Variants in NDST3 observed in about 807,000 individuals in gnomAD.
NDST3 encodes the protein N-deacetylase and N-sulfotransferase 3.
In NDST3, 58 loss-of-function variants were observed where a neutral mutation model predicts 96.1. The ratio of observed to expected loss-of-function variants is 0.60; its 90% confidence interval spans 0.49 to 0.75. The LOEUF (loss-of-function observed/expected upper bound fraction) is 0.75, where lower values mean the gene tolerates loss of function less well. NDST3 is among the 30% of genes least tolerant of loss of function. NDST3 has a pLI of 0.00. For missense variants in NDST3, 788 were observed against 1,034.2 expected (o/e 0.76, Z 3.27); for synonymous variants, 333 against 359.7 (o/e 0.93, Z 0.84).
intron 6 of NDST3, among the ~76,000 whole-genome samples, chr4:118,189,610 A>G (rs1737174360): frequency 6.6e-6 from 1 of 152,180 alleles, no homozygotes; most frequent in Non-Finnish European, 1.5e-5. Flanking sequence ...TAGCCAATGT[A>G]ATAATTAAAA....
At chr4:118,100,271 C>A (rs986348278) in intron 2 of NDST3, among the ~76,000 whole-genome samples, 24 of 151,962 alleles carry the variant, frequency 1.6e-4, no homozygotes, top group African/African-American at 5.6e-4. Context: ...TTATCTGCCT[C>A]AGACATAGGC....
rs192710046 is a variant in NDST3, at chr4:118,204,492, T to C, written c.1540-19999T>C. Among the ~76,000 whole-genome samples the C allele has an allele frequency of 2.1e-5, 3 of 144,388 alleles. 1 individual carries two copies. The highest frequency in any genetic ancestry group is 7.7e-5 in the African/African-American group (3 of 39,026). 94.7% of individuals were successfully genotyped at this position (144,388 alleles called of 152,430 possible). A position where few individuals can be genotyped will look rare whatever the true frequency, so the allele number is the denominator to read the frequency against. On this transcript the variant is annotated intron_variant, in intron 6 of 13. Transcript: ENST00000296499. ...AAGTGAGGTACACAAACAGCCAGAT[T>C]GGTTACAGCTCAACATTTGCCTTAT...
At chr4:118,052,795 C>T (rs1462780384) in intron 1 of NDST3, among the ~76,000 whole-genome samples, 1 of 151,868 alleles carries the variant, frequency 6.6e-6, no homozygotes, top group Admixed American at 6.6e-5. Context: ...AAATGTAGAA[C>T]ACCCAAATAA....
chr4:118,142,395 A>G (rs1733634126), intron 5 of NDST3, among the ~76,000 whole-genome samples: 2 of 152,030 alleles, frequency 1.3e-5, no homozygotes, highest in Admixed American at 1.3e-4. Context: ...ATTATATAAT[A>G]CTATCCAAGG....
intron 1 of NDST3, among the ~76,000 whole-genome samples, chr4:118,043,251 AAG>A (rs2110428994): frequency 6.6e-6 from 1 of 152,342 alleles, no homozygotes; most frequent in South Asian, 2.1e-4. Flanking sequence ...GTAACTTCAA[AAG>A]ATAAGTTAAA....
chr4:118,247,752 T>C (rs1231593734), intron 12 of NDST3, among the ~76,000 whole-genome samples: 3 of 152,156 alleles, frequency 2.0e-5, no homozygotes, highest in Non-Finnish European at 4.4e-5. Context: ...ATGTAAATAA[T>C]ACCTTAAAAA....
chr4:118,161,499 C>A (rs139486911), intron 6 of NDST3, among the ~76,000 whole-genome samples: 1 of 152,166 alleles, frequency 6.6e-6, no homozygotes, highest in Non-Finnish European at 1.5e-5. Context: ...GGCAAGCAGG[C>A]CTCCTTGAGC....
At chr4:118,166,292 G>C (rs1560692071) in intron 6 of NDST3, among the ~76,000 whole-genome samples, 1 of 151,676 alleles carries the variant, frequency 6.6e-6, no homozygotes, top group East Asian at 1.9e-4. Context: ...CTGATAAATT[G>C]GAATAACCTA....
chr4:118,189,983 T>C (rs1387329880), intron 6 of NDST3, among the ~76,000 whole-genome samples: 2 of 152,118 alleles, frequency 1.3e-5, no homozygotes, highest in African/African-American at 2.4e-5. Context: ...GCCTATTTTT[T>C]AGTCCTTCAA....
intron 2 of NDST3, among the ~76,000 whole-genome samples, chr4:118,083,375 ATACT>A (rs1728170638): frequency 6.6e-6 from 1 of 152,192 alleles, no homozygotes; most frequent in African/African-American, 2.4e-5. Context: ...AATAAATATA[ATACT>A]TAATTCGATT....
intron 3 of NDST3, among the ~76,000 whole-genome samples, chr4:118,107,758 T>C (rs1230923831): frequency 6.6e-6 from 1 of 152,038 alleles, no homozygotes; most frequent in Non-Finnish European, 1.5e-5. Flanking sequence ...GGCTGACCAT[T>C]AAAGAAAAAA....
chr4:118,073,697 C>CT (rs1727268622), intron 2 of NDST3, among the ~76,000 whole-genome samples: 1 of 151,768 alleles, frequency 6.6e-6, no homozygotes, highest in East Asian at 1.9e-4. Flanking sequence ...CTCTTACATG[C>CT]TTTTTTATGT....
intron 6 of NDST3, among the ~76,000 whole-genome samples, chr4:118,213,381 C>A (rs2125987789): frequency 6.6e-6 from 1 of 152,254 alleles, no homozygotes; most frequent in Middle Eastern, 3.4e-3. Flanking sequence ...TCGGTTGGAA[C>A]CTGCAATTTC....
At chr4:118,168,452 C>G (rs1735703368) in intron 6 of NDST3, among the ~76,000 whole-genome samples, 1 of 151,866 alleles carries the variant, frequency 6.6e-6, no homozygotes, top group South Asian at 2.1e-4. Flanking sequence ...ATACAAAAGT[C>G]ACTAATCTCA....
intron 2 of NDST3, among the ~76,000 whole-genome samples, chr4:118,075,048 C>T (rs931769536): frequency 5.9e-5 from 9 of 151,940 alleles, no homozygotes; most frequent in Non-Finnish European, 2.9e-5. Flanking sequence ...CTATCCCTTC[C>T]CCATCCCCCC....
chr4:118,122,036 C>A (rs1376022741), intron 4 of NDST3, among the ~76,000 whole-genome samples: 1 of 152,108 alleles, frequency 6.6e-6, no homozygotes, highest in Non-Finnish European at 1.5e-5. Context: ...TTTCCTCTAA[C>A]AGAAATACTA....
intron 4 of NDST3, among the ~76,000 whole-genome samples, chr4:118,121,103 A>G (rs932876688): frequency 6.6e-6 from 1 of 152,166 alleles, no homozygotes; most frequent in African/African-American, 2.4e-5. Context: ...GTGTTTTAGT[A>G]TATCAACCTC....
chr4:118,073,400 A>G (rs2125805091), intron 2 of NDST3, among the ~76,000 whole-genome samples: 1 of 152,086 alleles, frequency 6.6e-6, no homozygotes, highest in Admixed American at 6.6e-5. Context: ...CAATTTCAGA[A>G]CTCATTATTG....
chr4:118,034,568 T>A lies in NDST3; in HGVS notation c.-180T>A, dbSNP rs1275351773. 6.6e-6 allele frequency: 1 copy of A among 152,212 alleles called. No individual in the cohort carries two copies. Among genetic ancestry groups the A allele is most frequent in the Non-Finnish European group, 1.5e-5 (1 of 68,038 alleles). 9.4% of individuals were successfully genotyped at this position (152,212 alleles called of 1,614,324 possible). Reference sequence around the variant, plus strand: ...CATCTATTGCAACTTTCTCAAGCATTTTCAGCTCTGAACTTTAATTCCAGG... The same window carrying A: ...CATCTATTGCAACTTTCTCAAGCATATTCAGCTCTGAACTTTAATTCCAGG... On this transcript the variant is annotated 5_prime_UTR_variant, in exon 1 of 14. Coordinates refer to ENST00000296499, the MANE Select transcript of NDST3 (RefSeq NM_004784.3).
Sources: gnomAD v4.1 joint callset for allele counts (sites outside exome capture counted in the v4.1 genomes callset) on GRCh38, gnomAD v4.1.1 for gene constraint, MANE v1.5 for transcripts, NCBI Gene and HGNC (gene_info 2026-07-23, HGNC 2026-07-21) for gene names.